TAF15: variants seen among roughly 807,000 people sequenced by gnomAD.
The protein encoded by TAF15 is TATA-box binding protein associated factor 15.
A neutral mutation model predicts 102.5 loss-of-function variants in TAF15; 37 were observed. The observed-to-expected ratio is 0.36, with a 90% CI of 0.28 to 0.47. The LOEUF (loss-of-function observed/expected upper bound fraction) is 0.47, where lower values mean the gene tolerates loss of function less well. Among genes scored for constraint, TAF15 ranks in the 20% least tolerant of loss-of-function variants. The pLI is 0.99. For missense variants in TAF15, 652 were observed against 760.7 expected (o/e 0.86, Z 1.68); for synonymous variants, 273 against 259.2 (o/e 1.05, Z -0.51).
At chr17:35,811,266 TCATATAAG>T (rs1297501887) in intron 1 of TAF15, 2 of 152,226 alleles carry the variant, frequency 1.3e-5, no homozygotes, top group Non-Finnish European at 2.9e-5. Flanking sequence ...TTTTCATGTA[TCATATAAG>T]CATATAAGCT....
In TAF15 at chr17:35,842,507, G is replaced by A. The variant is rs771463381; in HGVS notation, c.1006+48G>A. 2.8e-6 allele frequency: 4 copies of A among 1,438,072 alleles called. No individual in the cohort carries two copies. In the African/African-American group the frequency reaches 4.5e-5, roughly 16 times the overall value. The allele number at this position is 1,438,072 out of a possible 1,614,324, so 89.1% of individuals were successfully genotyped here. ...TCCTGGATACTATCCAAGGGTTTAA[G>A]TTTGAGTTCATACTCTGTTTCTATT... is the stretch of plus-strand genomic sequence containing the variant. On this transcript the variant is annotated intron_variant, in intron 12 of 15. Coordinates refer to ENST00000605844, the MANE Select transcript of TAF15 (RefSeq NM_139215.3).
chr17:35,828,273 G>A (rs2087354905), intron 7 of TAF15, among the ~76,000 whole-genome samples: 1 of 152,152 alleles, frequency 6.6e-6, no homozygotes, highest in Non-Finnish European at 1.5e-5. Flanking sequence ...GGTGAGTCTA[G>A]CACAGCATTG....
Position 35,844,403 on chromosome 17 carries a change from T to A in TAF15, c.1177+35T>A, listed in dbSNP as rs773413502. ...CCTTTTAATAGCATCTGCATCGTGC[T>A]TATCTTCTGACTAGCATTAAGGGGG... On this transcript the variant is annotated intron_variant, in intron 14 of 15. Coordinates refer to ENST00000605844, the MANE Select transcript of TAF15 (RefSeq NM_139215.3). 2.1e-5 allele frequency: 34 copies of A among 1,612,226 alleles called. 1 individual carries two copies. In the East Asian group the frequency reaches 7.4e-4, roughly 35 times the overall value.
intron 7 of TAF15, among the ~76,000 whole-genome samples, chr17:35,831,238 T>C (rs546916271): frequency 5.9e-5 from 9 of 152,006 alleles, no homozygotes; most frequent in African/African-American, 1.7e-4. Context: ...CCGTCTCTAC[T>C]AAAAATACAA....
intron 6 of TAF15, chr17:35,823,741 G>T: frequency 3.3e-6 from 1 of 305,026 alleles, no homozygotes; most frequent in Non-Finnish European, 6.2e-6. Flanking sequence ...TTGGGGTCGT[G>T]CTTTTCATCT....
rs768438384 is a variant in TAF15, at chr17:35,834,595, G to T, written c.670G>T (p.Ala224Ser). The change falls in exon 9 of 16, where the codon GCT (alanine) becomes TCT (serine). Residue 224 changes from alanine (A) to serine (S), a missense_variant. Ala to Ser is a moderately conservative substitution (Grantham distance 99). Coordinates refer to ENST00000605844, the MANE Select transcript of TAF15 (RefSeq NM_139215.3). The part of the protein sequence containing the change: ...GHRDYGPRTD[A>S]DSESDNSDNN... ...CAGGGATTATGGACCCAGAACAGAT[G>T]CTGGTAAGGTTTATGGTGGTTTGTC... The T allele has an allele frequency of 8.1e-6, 13 of 1,612,396 alleles. No homozygotes were observed. The highest frequency in any genetic ancestry group is 3.3e-5 in the Admixed American group (2 of 59,878).
At chr17:35,809,748 C>T (rs2087102534) in intron 1 of TAF15, 172 bp downstream of exon 1, 2 of 827,518 alleles carry the variant, frequency 2.4e-6, no homozygotes, top group African/African-American at 1.7e-5. Context: ...CGCACGCTCC[C>T]AATGGCTCCC....
chr17:35,812,083 G>A (rs2087130920), intron 1 of TAF15, among the ~76,000 whole-genome samples: 1 of 152,098 alleles, frequency 6.6e-6, no homozygotes, highest in African/African-American at 2.4e-5. Context: ...GACCATTAAC[G>A]CCAGGTAATG....
chr17:35,846,132 G>A (rs1468750302), intron 15 of TAF15, among the ~76,000 whole-genome samples: 6 of 152,134 alleles, frequency 3.9e-5, no homozygotes, highest in Admixed American at 2.0e-4. Flanking sequence ...GCAATATAAG[G>A]CAGTGAGAAT....
intron 10 of TAF15, among the ~76,000 whole-genome samples, chr17:35,837,432 C>T (rs1017328102): frequency 2.7e-5 from 4 of 150,554 alleles, no homozygotes; most frequent in South Asian, 2.2e-4. Flanking sequence ...GCTGGGATTA[C>T]AGGCGTGATC....
chr17:35,810,404 C>T (rs2087111510), intron 1 of TAF15: 1 of 152,374 alleles, frequency 6.6e-6, no homozygotes, highest in African/African-American at 2.4e-5. Flanking sequence ...GAAAGAGAGG[C>T]ATTAGTCTCT....
chr17:35,839,998 C>T (rs571955385), intron 11 of TAF15, among the ~76,000 whole-genome samples: 16 of 152,172 alleles, frequency 1.1e-4, no homozygotes, highest in African/African-American at 3.4e-4. Context: ...TCAATTTAAT[C>T]TTCATAATAA....
chr17:35,817,240 C>CA (rs1327131604), intron 1 of TAF15: 1 of 145,082 alleles, frequency 6.9e-6, no homozygotes, highest in African/African-American at 2.6e-5. Flanking sequence ...TTTTTTTTAG[C>CA]AAGTCTTTGG....
At chr17:35,839,372 T>TA (rs1568275448) in intron 11 of TAF15, among the ~76,000 whole-genome samples, 17 of 79,208 alleles carry the variant, frequency 2.1e-4, no homozygotes, top group African/African-American at 9.8e-4. Context: ...GAAATAGACT[T>TA]TTTTTTTTTT....
At chr17:35,830,405 T>C (rs2087389084) in intron 7 of TAF15, 1 of 152,236 alleles carries the variant, frequency 6.6e-6, no homozygotes, top group South Asian at 2.1e-4. Context: ...TCTTTATGTG[T>C]AAATGTTTTC....
intron 7 of TAF15, among the ~76,000 whole-genome samples, chr17:35,832,793 A>T (rs956863928): frequency 1.1e-4 from 16 of 152,184 alleles, no homozygotes; most frequent in African/African-American, 3.9e-4. Flanking sequence ...TCTTGATAAG[A>T]GAGACCTTAG....
chr17:35,814,469 A>AT (rs889981663), intron 1 of TAF15, among the ~76,000 whole-genome samples: 124 of 147,586 alleles, frequency 8.4e-4, no homozygotes, highest in East Asian at 7.3e-3. Context: ...CACCCAGCTG[A>AT]TTTTTTTTTT....
intron 6 of TAF15, chr17:35,823,745 T>C (rs891799243): frequency 2.1e-5 from 7 of 326,706 alleles, no homozygotes; most frequent in Non-Finnish European, 3.5e-5. Flanking sequence ...GGTCGTGCTT[T>C]TCATCTAAGT....
chr17:35,818,169 C>T (rs542480625), intron 2 of TAF15, among the ~76,000 whole-genome samples: 4 of 152,060 alleles, frequency 2.6e-5, no homozygotes, highest in Non-Finnish European at 4.4e-5. Context: ...GATCTCGGGT[C>T]GCTGCAAGCT....
Sources: allele counts gnomAD v4.1 joint callset (sites outside exome capture counted in the v4.1 genomes callset), GRCh38; gene constraint gnomAD v4.1.1; transcripts MANE v1.5; gene names NCBI Gene and HGNC (gene_info 2026-07-23, HGNC 2026-07-21).